Variants in KCNK10 observed in about 807,000 individuals in gnomAD.
KCNK10 encodes potassium two pore domain channel subfamily K member 10, also known as potassium channel subfamily K member 10.
KCNK10 carries 25 observed loss-of-function variants against 47.7 expected under a neutral mutation model. The ratio of observed to expected loss-of-function variants is 0.52; its 90% CI spans 0.38 to 0.73. KCNK10 has a LOEUF of 0.73. Ranked by LOEUF, KCNK10 falls within the 30% of genes least tolerant of loss-of-function variation. The pLI is 0.00. For missense variants in KCNK10, 563 were observed against 714.5 expected (o/e 0.79, Z 2.42); for synonymous variants, 303 against 285.6 (o/e 1.06, Z -0.61).
At chr14:88,268,798 A>G (rs1887336099) in intron 1 of KCNK10, among the ~76,000 whole-genome samples, 1 of 152,246 alleles carries the variant, frequency 6.6e-6, no homozygotes, top group Non-Finnish European at 1.5e-5. Context: ...GCTGCCAAGA[A>G]TTGATGAGAA....
rs1276244484 is a variant in KCNK10 at position 88,262,799 on chromosome 14, C to G, written c.402+403G>C. On this transcript the variant is annotated intron_variant, in intron 2 of 6. Transcript: ENST00000319231. ...CTCTTCTCTACCTCATCCTCATGGACCTTGGACAGGTTAATATATCCCTGC... is the reference window on the plus strand; with the variant it reads ...CTCTTCTCTACCTCATCCTCATGGAGCTTGGACAGGTTAATATATCCCTGC... 2.0e-5 allele frequency among the ~76,000 whole-genome samples: 3 copies of G among 152,292 alleles called. No individual in the cohort carries two copies. In the East Asian group the frequency reaches 5.8e-4, roughly 29 times the overall value.
At position 88,197,572 on chromosome 14, in the gene KCNK10, T is replaced by TAAAAAAAAAAAAAAAAAAAAAAAAAAAAA. The variant is rs71417717; in HGVS notation, c.682-5191_682-5163dup. Among the ~76,000 whole-genome samples the TAAAAAAAAAAAAAAAAAAAAAAAAAAAAA allele has an allele frequency of 1.2e-4, 2 of 17,142 alleles. 1 individual carries two copies. Among genetic ancestry groups the TAAAAAAAAAAAAAAAAAAAAAAAAAAAAA allele is most frequent in the Non-Finnish European group, 3.1e-4 (2 of 6,544 alleles). The allele number at this position is 17,142 out of a possible 152,430, so 11.2% of individuals were successfully genotyped here. On this transcript the variant is annotated intron_variant, in intron 4 of 6. Coordinates refer to ENST00000319231, the MANE Select transcript of KCNK10 (RefSeq NM_138317.3). ...CTGGGCAACAGAGAGAGACTCCGAC[T>TAAAAAAAAAAAAAAAAAAAAAAAAAAAAA]AAAAAAAAAAAAAAAAAAAAAAAAA...
chr14:88,200,025 CCTT>C (rs1204480472), intron 4 of KCNK10, among the ~76,000 whole-genome samples: 1 of 149,952 alleles, frequency 6.7e-6, no homozygotes, highest in Non-Finnish European at 1.5e-5. Context: ...TCTCTTCTTT[CCTT>C]CTTTCTTTCT....
intron 1 of KCNK10, among the ~76,000 whole-genome samples, chr14:88,293,495 T>C (rs1005350080): frequency 6.6e-6 from 1 of 152,164 alleles, no homozygotes; most frequent in African/African-American, 2.4e-5. Context: ...CTTACCATCT[T>C]CAACATGTAT....
At chr14:88,266,088 G>A (rs1403805078) in intron 1 of KCNK10, among the ~76,000 whole-genome samples, 1 of 152,126 alleles carries the variant, frequency 6.6e-6, no homozygotes, top group Non-Finnish European at 1.5e-5. Flanking sequence ...GCTCCATGAG[G>A]GCAGGCACCC....
chr14:88,272,266 G>A (rs1246568204), intron 1 of KCNK10, among the ~76,000 whole-genome samples: 1 of 152,228 alleles, frequency 6.6e-6, no homozygotes, highest in Admixed American at 6.5e-5. Flanking sequence ...TTATTAGGAG[G>A]TGAAGAAAAC....
intron 6 of KCNK10, among the ~76,000 whole-genome samples, chr14:88,187,414 T>C (rs570414434): frequency 1.3e-5 from 2 of 152,286 alleles, no homozygotes; most frequent in East Asian, 3.9e-4. Context: ...CTTCCCTTCA[T>C]GTAAAGTTAC....
chr14:88,190,857 T>G (rs552516337), intron 5 of KCNK10, among the ~76,000 whole-genome samples: 1 of 152,170 alleles, frequency 6.6e-6, no homozygotes, highest in African/African-American at 2.4e-5. Context: ...TTCCAGAATT[T>G]CCTGTTTGCC....
chr14:88,320,268 G>GT (rs1445268255), intron 1 of KCNK10, among the ~76,000 whole-genome samples: 3 of 152,178 alleles, frequency 2.0e-5, no homozygotes, highest in African/African-American at 4.8e-5. Flanking sequence ...TTTTATTGAG[G>GT]TTTTTTTCAT....
chr14:88,292,903 A>G (rs11159851), intron 1 of KCNK10, among the ~76,000 whole-genome samples: 1 of 151,920 alleles, frequency 6.6e-6, no homozygotes, highest in Non-Finnish European at 1.5e-5. Flanking sequence ...GGATTACAGG[A>G]ACAAGCCACC....
chr14:88,231,121 A>T (rs1010169175), intron 3 of KCNK10, among the ~76,000 whole-genome samples: 27 of 152,022 alleles, frequency 1.8e-4, no homozygotes, highest in Middle Eastern at 3.4e-3. Context: ...CAAAAAAAAA[A>T]TTTTTTTAAT....
intron 4 of KCNK10, among the ~76,000 whole-genome samples, chr14:88,196,472 G>A (rs1884916650): frequency 6.6e-6 from 1 of 152,186 alleles, no homozygotes. Flanking sequence ...TGGAGAGCAT[G>A]TATATTTCCA....
intron 2 of KCNK10, among the ~76,000 whole-genome samples, chr14:88,261,627 G>A (rs1031876994): frequency 1.3e-5 from 2 of 152,124 alleles, no homozygotes; most frequent in Non-Finnish European, 2.9e-5. Flanking sequence ...GGTGGCACAT[G>A]CCTGTAGTCC....
intron 1 of KCNK10, among the ~76,000 whole-genome samples, chr14:88,308,313 C>T (rs1300091284): frequency 6.6e-6 from 1 of 152,150 alleles, no homozygotes; most frequent in Non-Finnish European, 1.5e-5. Context: ...CTCTCACTAC[C>T]CCTGGATTCT....
At chr14:88,265,854 T>C (rs1189656433) in intron 1 of KCNK10, among the ~76,000 whole-genome samples, 2 of 152,218 alleles carry the variant, frequency 1.3e-5, no homozygotes, top group Non-Finnish European at 2.9e-5. Flanking sequence ...CCATGTAAGA[T>C]GTGACTTTGC....
At chr14:88,191,258 C>CA (rs1378997707) in intron 5 of KCNK10, among the ~76,000 whole-genome samples, 21 of 139,154 alleles carry the variant, frequency 1.5e-4, no homozygotes, top group South Asian at 7.5e-4. Flanking sequence ...TCAAAAAAAA[C>CA]AAAAACAAAA....
In KCNK10 at chr14:88,240,696, CGG is replaced by C; in HGVS notation, c.520+5_520+6del. 6.4e-7 allele frequency: 1 copy of C among 1,571,392 alleles called. No individual in the cohort carries two copies. The highest frequency in any genetic ancestry group is 1.7e-4 in the Middle Eastern group (1 of 5,974). ...AGAGGAAGAGATATTAGCAAACAAA[CGG>C]GTACCTATGGTCGTAATGACAGTTC... On this transcript the variant is annotated splice_donor_5th_base_variant and intron_variant, in intron 3 of 6. Transcript: ENST00000319231.
Position 88,181,098 on chromosome 14 carries a change from G to T in KCNK10, c.*4437C>A, listed in dbSNP as rs1419542757. The T allele has an allele frequency of 5.8e-6, 2 of 341,898 alleles. No individual in the cohort carries two copies. Among genetic ancestry groups the T allele is most frequent in the Non-Finnish European group, 1.0e-5 (2 of 190,776 alleles). The allele number at this position is 341,898 out of a possible 1,614,324, so 21.2% of individuals were successfully genotyped here. ...GTTTTTCCTTTCTCGTTTTACAGGG[G>T]CTCTGAATGTTTGTTTTCCTACGCC... On this transcript the variant is annotated 3_prime_UTR_variant, in exon 7 of 7. Transcript: ENST00000319231.
At chr14:88,292,154 G>A (rs1270736588) in intron 1 of KCNK10, among the ~76,000 whole-genome samples, 1 of 152,164 alleles carries the variant, frequency 6.6e-6, no homozygotes, top group Non-Finnish European at 1.5e-5. Flanking sequence ...AAACACCCTT[G>A]CTTTCTAGTC....
Sources: allele counts gnomAD v4.1 joint callset (sites outside exome capture counted in the v4.1 genomes callset), GRCh38; gene constraint gnomAD v4.1.1; transcripts MANE v1.5; gene names NCBI Gene and HGNC (gene_info 2026-07-23, HGNC 2026-07-21).